The following ANKS1B variants were observed in gnomAD, a reference collection of about 807,000 sequenced individuals.
ANKS1B encodes ankyrin repeat and sterile alpha motif domain-containing protein 1B.
In ANKS1B, 36 loss-of-function variants were observed where a neutral mutation model predicts 148.3. The observed-to-expected ratio is 0.24, with a 90% CI of 0.19 to 0.32. The LOEUF (loss-of-function observed/expected upper bound fraction) is 0.32. Ranked by LOEUF, ANKS1B falls within the 10% of genes least tolerant of loss-of-function variation. ANKS1B has a pLI of 1.00. For synonymous variants in ANKS1B, 542 were observed against 560.8 expected, an observed-to-expected ratio of 0.97 and a Z score of 0.47; for missense variants, 1,157 against 1,542.6, an observed-to-expected ratio of 0.75 and a Z score of 4.19.
At chr12:99,222,692 C>G (rs1401117022) in intron 14 of ANKS1B, among the ~76,000 whole-genome samples, 6 of 152,108 alleles carry the variant, frequency 3.9e-5, no homozygotes, top group African/African-American at 1.2e-4. Context: ...AATCATTTTC[C>G]AAATCTGGAA....
chr12:99,000,462 T>C (rs2099932319), intron 17 of ANKS1B, among the ~76,000 whole-genome samples: 2 of 151,964 alleles, frequency 1.3e-5, no homozygotes, highest in Non-Finnish European at 2.9e-5. Context: ...AGAGACGGGG[T>C]TTCACCATGT....
chr12:99,207,074 C>G (rs1454075526), intron 14 of ANKS1B, among the ~76,000 whole-genome samples: 1 of 152,120 alleles, frequency 6.6e-6, no homozygotes, highest in Non-Finnish European at 1.5e-5. Context: ...TTAATCTTCC[C>G]TGGTTGCTGG....
rs1457907747 is a variant in ANKS1B at position 98,773,128 on chromosome 12, G to C, written c.3493C>G (p.Pro1165Ala). The C allele has an allele frequency of 3.1e-6, 5 of 1,613,600 alleles. No individual in the cohort carries two copies. The highest frequency in any genetic ancestry group is 3.4e-6 in the Non-Finnish European group (4 of 1,179,788). ...IRNISCAAQD[P>A]EDLSTFAYIT... The stretch of plus-strand genomic sequence containing the variant: ...TAGGCAAATGTTGAGAGGTCTTCTG[G>C]GTCCTGGGCAGCACAGGAGATATTA... Residue 1165 changes from proline (P) to alanine (A), a missense_variant, in exon 25 of 27, where the codon CCA becomes GCA. By Grantham distance (27) the Pro-to-Ala change is conservative. Around this residue, in one of 6 missense-constraint regions of ANKS1B, gnomAD observed 258 missense variants for 497.0 expected, o/e 0.52. Coordinates refer to ENST00000683438, the MANE Select transcript of ANKS1B (RefSeq NM_001352186.2).
intron 12 of ANKS1B, among the ~76,000 whole-genome samples, chr12:99,317,228 A>G (rs1344761575): frequency 1.3e-5 from 2 of 152,124 alleles, no homozygotes; most frequent in Non-Finnish European, 2.9e-5. Context: ...GCTTGATGGG[A>G]ATGGCATTGA....
At chr12:99,964,692 T>C (rs1005650539) in intron 1 of ANKS1B, among the ~76,000 whole-genome samples, 39 of 152,048 alleles carry the variant, frequency 2.6e-4, no homozygotes, top group Non-Finnish European at 2.2e-4. Flanking sequence ...CCAAACAGAA[T>C]GAGAGGGCAT....
At chr12:99,167,960 T>C (rs924817179) in intron 14 of ANKS1B, among the ~76,000 whole-genome samples, 2 of 152,240 alleles carry the variant, frequency 1.3e-5, no homozygotes, top group Admixed American at 1.3e-4. Flanking sequence ...GAATACATTC[T>C]GTATGATTCC....
chr12:99,206,203 G>C (rs986615505), intron 14 of ANKS1B, among the ~76,000 whole-genome samples: 5 of 152,128 alleles, frequency 3.3e-5, no homozygotes, highest in Non-Finnish European at 7.3e-5. Flanking sequence ...TAGACTCTGA[G>C]AGACTCAACA....
At chr12:98,966,095 A>G in intron 17 of ANKS1B, among the ~76,000 whole-genome samples, 1 of 152,240 alleles carries the variant, frequency 6.6e-6, no homozygotes, top group Non-Finnish European at 1.5e-5. Context: ...AGAAACTACC[A>G]TCAGAGTGAA....
intron 6 of ANKS1B, among the ~76,000 whole-genome samples, chr12:99,778,005 T>C (rs534574933): frequency 3.3e-5 from 5 of 151,334 alleles, no homozygotes; most frequent in African/African-American, 4.8e-5. Context: ...AAGACCATCC[T>C]GGCTAACATC....
At chr12:99,204,523 T>C (rs1464885843) in intron 14 of ANKS1B, among the ~76,000 whole-genome samples, 1 of 152,262 alleles carries the variant, frequency 6.6e-6, no homozygotes, top group Non-Finnish European at 1.5e-5. Flanking sequence ...GATCAAGTTT[T>C]TAGTTTTATG....
At position 99,492,132 on chromosome 12, in the gene ANKS1B, A is replaced by T. The variant is rs111764387; in HGVS notation, c.1438+12344T>A. Among the ~76,000 whole-genome samples, 433 of 152,286 alleles carry T rather than the reference A, an allele frequency of 2.8e-3. 4 individuals carry two copies. Among genetic ancestry groups the T allele is most frequent in the African/African-American group, 9.8e-3 (406 of 41,582 alleles). ...AAATCCAGGAGCTGATTTGTTAAAA[A>T]AATTAATAAGATAGGCCACTAGTTA... is the stretch of plus-strand genomic sequence containing the variant. On this transcript the variant is annotated intron_variant, in intron 10 of 26. Transcript: ENST00000683438.
chr12:99,543,285 C>A (rs1430221103), intron 9 of ANKS1B, among the ~76,000 whole-genome samples: 1 of 152,030 alleles, frequency 6.6e-6, no homozygotes, highest in Non-Finnish European at 1.5e-5. Flanking sequence ...CACTTCTCAC[C>A]ACTAAGGTGA....
intron 10 of ANKS1B, among the ~76,000 whole-genome samples, chr12:99,488,505 A>G (rs1360433503): frequency 1.3e-5 from 2 of 152,220 alleles, no homozygotes. Context: ...AACAAAAATA[A>G]AAATTATTAA....
At chr12:98,895,621 G>T (rs1374040356) in intron 17 of ANKS1B, among the ~76,000 whole-genome samples, 1 of 152,190 alleles carries the variant, frequency 6.6e-6, no homozygotes, top group Non-Finnish European at 1.5e-5. Flanking sequence ...TGGGACTTGC[G>T]TTCCAGCTGT....
intron 19 of ANKS1B, among the ~76,000 whole-genome samples, chr12:98,827,729 A>C (rs1271169484): frequency 2.0e-5 from 3 of 152,204 alleles, no homozygotes; most frequent in African/African-American, 7.2e-5. Flanking sequence ...TAATTCTGCT[A>C]TACTGCGGTT....
rs200240398 is a variant in ANKS1B at position 99,984,188 on chromosome 12, G to A, written c.50C>T (p.Ala17Val). 5.3e-4 allele frequency: 848 copies of A among 1,613,886 alleles called. 2 individuals are homozygous for A. Among genetic ancestry groups the A allele is most frequent in the Non-Finnish European group, 5.4e-4 (643 of 1,179,844 alleles). ...GCCAGACAGGAGTTTCTCCACCAGA[G>A]CCACATTTCCAGTGCGAGCAGCTTC... The part of the protein sequence containing the change: ...LLEAARTGNV[A>V]LVEKLLSGRK... The change falls in exon 1 of 27, where the codon GCT becomes GTT. Residue 17 changes from alanine (A) to valine (V), a missense_variant. Ala to Val is a moderately conservative substitution (Grantham distance 64). Around this residue, in one of 6 missense-constraint regions of ANKS1B, gnomAD observed 164 missense variants for 232.6 expected, o/e 0.71. Transcript: ENST00000683438.
chr12:99,069,760 A>G (rs1405557842), intron 16 of ANKS1B, among the ~76,000 whole-genome samples: 1 of 152,244 alleles, frequency 6.6e-6, no homozygotes, highest in African/African-American at 2.4e-5. Context: ...TTACTAAAAT[A>G]CAAAGCAATA....
At chr12:98,965,675 G>T (rs1474944493) in intron 17 of ANKS1B, among the ~76,000 whole-genome samples, 1 of 152,136 alleles carries the variant, frequency 6.6e-6, no homozygotes, top group Non-Finnish European at 1.5e-5. Context: ...AACCAAAACA[G>T]CATGGTGCTG....
chr12:99,123,094 C>T (rs1027334492), intron 15 of ANKS1B, among the ~76,000 whole-genome samples: 1 of 150,154 alleles, frequency 6.7e-6, no homozygotes, highest in African/African-American at 2.5e-5. Context: ...AATTAAGATG[C>T]CAGTTTTAGT....
Sources: allele counts gnomAD v4.1 joint callset (sites outside exome capture counted in the v4.1 genomes callset), GRCh38; gene constraint gnomAD v4.1.1; regional missense constraint gnomAD v4.1.1; transcripts MANE v1.5; gene names NCBI Gene and HGNC (gene_info 2026-07-23, HGNC 2026-07-21).